Variants in WDFY4 observed in about 807,000 individuals in gnomAD.
WDFY4 encodes the protein WD repeat- and FYVE domain-containing protein 4.
WDFY4 carries 169 observed loss-of-function variants against 351.9 expected under a neutral mutation model. The ratio of observed to expected loss-of-function variants is 0.48; its 90% CI spans 0.42 to 0.55. WDFY4 has a LOEUF of 0.55. Ranked by LOEUF, WDFY4 falls within the 20% of genes least tolerant of loss-of-function variation. The pLI is 0.00. For synonymous variants in WDFY4, 1,622 were observed against 1,574.6 expected (o/e 1.03, Z -0.71); for missense variants, 3,803 against 3,935.6 (o/e 0.97, Z 0.90).
chr10:48,722,826 C>A (rs1173674396), intron 4 of WDFY4, among the ~76,000 whole-genome samples: 1 of 152,266 alleles, frequency 6.6e-6, no homozygotes, highest in African/African-American at 2.4e-5. Context: ...TGGTCTCCAT[C>A]TCTGCAGAGT....
chr10:48,795,982 A>C (rs1011880322), intron 23 of WDFY4, among the ~76,000 whole-genome samples: 2 of 152,080 alleles, frequency 1.3e-5, no homozygotes, highest in African/African-American at 4.8e-5. Flanking sequence ...CATTTATGGG[A>C]TGGTTACGCA....
At chr10:48,944,443 A>G (rs1320783597) in intron 49 of WDFY4, among the ~76,000 whole-genome samples, 1 of 152,196 alleles carries the variant, frequency 6.6e-6, no homozygotes, top group African/African-American at 2.4e-5. Flanking sequence ...CAACCAAACT[A>G]TGGAGCAGTG....
At chr10:48,914,980 A>G (rs573417277) in intron 47 of WDFY4, among the ~76,000 whole-genome samples, 3 of 152,286 alleles carry the variant, frequency 2.0e-5, no homozygotes, top group Non-Finnish European at 4.4e-5. Context: ...AACTTGATAA[A>G]TGGCCGTGAC....
At chr10:48,848,155 C>T (rs1212456095) in intron 39 of WDFY4, among the ~76,000 whole-genome samples, 1 of 152,134 alleles carries the variant, frequency 6.6e-6, no homozygotes, top group Admixed American at 6.5e-5. Context: ...GCTGTGGAGC[C>T]CAGGCTGTCC....
intron 1 of WDFY4, among the ~76,000 whole-genome samples, chr10:48,695,195 G>A (rs1352017828): frequency 6.6e-6 from 1 of 152,206 alleles, no homozygotes; most frequent in African/African-American, 2.4e-5. Flanking sequence ...TATCCTTGAG[G>A]CTCCCAGGGA....
chr10:48,795,669 A>G (rs2066849519), intron 23 of WDFY4, among the ~76,000 whole-genome samples: 1 of 151,904 alleles, frequency 6.6e-6, no homozygotes, highest in South Asian at 2.1e-4. Context: ...TTGATGGGGA[A>G]TGGAGCCATG....
chr10:48,980,424 T>C lies in WDFY4; in HGVS notation c.9377-943T>C, dbSNP rs528127247. Among the ~76,000 whole-genome samples the C allele has an allele frequency of 2.0e-5, 3 of 152,232 alleles. No homozygotes were observed. In the East Asian group the frequency reaches 5.8e-4, roughly 29 times the overall value. On this transcript the variant is annotated intron_variant, in intron 60 of 61. Coordinates refer to ENST00000325239, the MANE Select transcript of WDFY4 (RefSeq NM_001394531.1). The stretch of plus-strand genomic sequence containing the variant: ...ATGTCTTAAGGGGCAAGAAAGGAGA[T>C]CTTTGAAGATATTAAGCATACTGCA...
intron 40 of WDFY4, among the ~76,000 whole-genome samples, chr10:48,869,018 G>A (rs1410683734): frequency 6.6e-6 from 1 of 152,092 alleles, no homozygotes; most frequent in Non-Finnish European, 1.5e-5. Context: ...TGTTGATTGA[G>A]GTATTTTTGA....
chr10:48,885,180 G>T (rs561957172), intron 43 of WDFY4, among the ~76,000 whole-genome samples: 1 of 152,210 alleles, frequency 6.6e-6, no homozygotes, highest in Admixed American at 6.5e-5. Context: ...ACATTCTAGG[G>T]CCCTACTTTG....
At chr10:48,800,091 G>T (rs11101498) in intron 24 of WDFY4, among the ~76,000 whole-genome samples, 12,933 of 152,076 alleles carry the variant, frequency 0.085, 836 homozygotes, top group East Asian at 0.34. Context: ...TCACCATGTT[G>T]GTCAGGATGG....
chr10:48,853,766 A>G (rs1041950603), intron 39 of WDFY4, among the ~76,000 whole-genome samples: 3 of 152,316 alleles, frequency 2.0e-5, no homozygotes, highest in South Asian at 4.1e-4. Flanking sequence ...CCTCTTCTGT[A>G]AGCCTCTCTC....
intron 51 of WDFY4, among the ~76,000 whole-genome samples, chr10:48,951,113 C>T (rs1242325412): frequency 3.9e-5 from 6 of 152,316 alleles, no homozygotes; most frequent in Non-Finnish European, 7.4e-5. Context: ...GTTTTATTCC[C>T]TTCAGGTTTA....
chr10:48,959,499 CCTGGGAAGCAA>C (rs1841760471), intron 52 of WDFY4, among the ~76,000 whole-genome samples: 1 of 152,200 alleles, frequency 6.6e-6, no homozygotes, highest in Non-Finnish European at 1.5e-5. Flanking sequence ...ACTAGCACTG[CCTGGGAAGCAA>C]GGAGGGCCTC....
rs376080981 is a variant in WDFY4 at position 48,696,773 on chromosome 10, G to A, written c.-18+11772G>A. On this transcript the variant is annotated intron_variant, in intron 1 of 61. Transcript: ENST00000325239. ...TTTAAGAGCTTCGAGGCAGCAAGGTGCAGAATGCAGAAGAGGCCATGCAGT... is the reference window on the plus strand; with the variant it reads ...TTTAAGAGCTTCGAGGCAGCAAGGTACAGAATGCAGAAGAGGCCATGCAGT... 9.2e-5 allele frequency among the ~76,000 whole-genome samples: 14 copies of A among 152,238 alleles called. 1 individual carries two copies. In the East Asian group the frequency reaches 9.6e-4, roughly 10 times the overall value.
chr10:48,830,347 A>G (rs944673167), intron 37 of WDFY4, among the ~76,000 whole-genome samples: 2 of 152,134 alleles, frequency 1.3e-5, no homozygotes, highest in Admixed American at 6.5e-5. Context: ...CTACCCTGAG[A>G]TCACACAAGG....
At position 48,969,212 on chromosome 10, in the gene WDFY4, C is replaced by T. The variant is rs767524277; in HGVS notation, c.8733C>T (p.Asp2911=). ...WNRTFSWGFD[D]FSCCLGSYGS... is the part of the protein sequence containing the mutation. ...GGACCTTCAGCTGGGGCTTTGATGACTTCAGCTGCTGCTTGGGGAGCTACG... is the reference window on the plus strand; with the variant it reads ...GGACCTTCAGCTGGGGCTTTGATGATTTCAGCTGCTGCTTGGGGAGCTACG... Residue 2911 remains aspartate (D), a synonymous_variant, in exon 56 of 62, where the codon GAC becomes GAT. Coordinates refer to ENST00000325239, the MANE Select transcript of WDFY4 (RefSeq NM_001394531.1). 2 of 1,551,584 alleles carry T rather than the reference C, an allele frequency of 1.3e-6. No individual in the cohort carries two copies. Among genetic ancestry groups the T allele is most frequent in the South Asian group, 2.4e-5 (2 of 84,060 alleles).
intron 40 of WDFY4, among the ~76,000 whole-genome samples, chr10:48,870,012 C>T (rs749497186): frequency 1.3e-5 from 2 of 152,202 alleles, no homozygotes; most frequent in Non-Finnish European, 2.9e-5. Context: ...AAGTTCCGTG[C>T]TCTGCTTCCT....
At chr10:48,806,203 C>T (rs2067250098) in intron 27 of WDFY4, 108 bp downstream of exon 27, 2 of 1,092,372 alleles carry the variant, frequency 1.8e-6, no homozygotes, top group Non-Finnish European at 2.7e-6. Flanking sequence ...GGAAGGCACC[C>T]ACAGCCAAGC....
Position 48,786,870 on chromosome 10 carries a change from G to A in WDFY4, c.3808G>A (p.Gly1270Arg). 4 of 1,550,328 alleles carry A rather than the reference G, an allele frequency of 2.6e-6. No homozygotes were observed. Among genetic ancestry groups the A allele is most frequent in the South Asian group, 1.2e-5 (1 of 83,858 alleles). ...CGNFQAVHVQ[G>R]EDLDSEATPF... The stretch of plus-strand genomic sequence containing the variant: ...TAACTTCCAAGCTGTGCATGTCCAA[G>A]GTATGGAGTGTTTTGATTTACAATG... The change falls in exon 20 of 62, where the codon GGG becomes AGG. Residue 1270 changes from glycine (G) to arginine (R), a missense_variant and splice_region_variant. Gly to Arg is a moderately radical substitution (Grantham distance 125, BLOSUM62 -2). This residue lies in a region of WDFY4 where 3,054 missense variants were observed against 3,148.6 expected (regional missense o/e 0.97). Transcript: ENST00000325239.
Sources: allele counts gnomAD v4.1 joint callset (sites outside exome capture counted in the v4.1 genomes callset), GRCh38; gene constraint gnomAD v4.1.1; regional missense constraint gnomAD v4.1.1; transcripts MANE v1.5; gene names NCBI Gene and HGNC (gene_info 2026-07-23, HGNC 2026-07-21).